Variants in ARG1 observed in about 807,000 individuals in gnomAD.
ARG1 encodes arginase-1.
A neutral mutation model predicts 33.0 loss-of-function variants in ARG1; 20 were observed. The ratio of observed to expected loss-of-function variants is 0.61; its 90% CI spans 0.43 to 0.88. The LOEUF (loss-of-function observed/expected upper bound fraction) is 0.88. Ranked by LOEUF, ARG1 falls within the 40% of genes least tolerant of loss-of-function variation. The pLI, the probability that ARG1 is intolerant of heterozygous loss-of-function variation, is 0.00. For missense variants in ARG1, 374 were observed against 384.7 expected (o/e 0.97, Z 0.23); for synonymous variants, 146 against 140.6 (o/e 1.04, Z -0.27).
At chr6:131,582,965 T>G (rs1774011346) in intron 5 of ARG1, 95 bp from the exon 6 acceptor site, 1 of 918,974 alleles carries the variant, frequency 1.1e-6, no homozygotes, top group East Asian at 2.7e-5. Context: ...CCTAAATGTT[T>G]TATATATTTT....
At chr6:131,578,294 G>A (rs563536870) in intron 2 of ARG1, among the ~76,000 whole-genome samples, 2 of 152,038 alleles carry the variant, frequency 1.3e-5, no homozygotes, top group South Asian at 4.2e-4. Context: ...TGTTGTATCA[G>A]GTGAAATTTC....
In ARG1 at chr6:131,581,279, G is replaced by A. The variant is rs2114539596; in HGVS notation, c.366G>A (p.Trp122Ter). The A allele has an allele frequency of 1.9e-6, 3 of 1,613,838 alleles. No homozygotes were observed. Among genetic ancestry groups the A allele is most frequent in the Non-Finnish European group, 2.5e-6 (3 of 1,179,830 alleles). ...ARVHPDLGVI[W>*]VDAHTDINTP... Reference sequence around the variant, plus strand: ...TCCACCCTGATCTTGGAGTCATCTGGGTGGATGCTCACACTGATATCAACA... The same window carrying A: ...TCCACCCTGATCTTGGAGTCATCTGAGTGGATGCTCACACTGATATCAACA... The change falls in exon 4 of 8, where the codon TGG becomes TGA. Residue 122 changes from tryptophan (W) to a stop codon, truncating the protein, a stop_gained. Transcript: ENST00000368087. LOFTEE classifies it high-confidence loss of function.
At chr6:131,573,449 G>A in intron 1 of ARG1, 110 bp downstream of exon 1, 2 of 990,348 alleles carry the variant, frequency 2.0e-6, no homozygotes, top group South Asian at 2.7e-5. Context: ...ATACAATCTG[G>A]CCAGGAAATG....
At chr6:131,583,660 G>C in intron 7 of ARG1, 82 bp from the exon 8 acceptor site, 1 of 1,541,244 alleles carries the variant, frequency 6.5e-7, no homozygotes, top group South Asian at 1.1e-5. Context: ...TTCTGTTAGT[G>C]GATAATCTTT....
Position 131,579,106 on chromosome 6 carries a change from TTTA to T in ARG1, c.131-4_131-2del, listed in dbSNP as rs774347014. On this transcript the variant is annotated splice_acceptor_variant and splice_polypyrimidine_tract_variant and intron_variant, in intron 2 of 7. Coordinates refer to ENST00000368087, the MANE Select transcript of ARG1 (RefSeq NM_000045.4). LOFTEE classifies it high-confidence loss of function. ...ATTTAGTAACTCAAAACTTTTTAAT[TTTA>T]GAGTGTGATGTGAAGGATTATGGGG... 6.2e-7 allele frequency: 1 copy of T among 1,613,956 alleles called. No homozygotes were observed. The highest frequency in any genetic ancestry group is 8.5e-7 in the Non-Finnish European group (1 of 1,179,972).
chr6:131,582,681 T>C lies in ARG1; in HGVS notation c.526T>C (p.Tyr176His). ...TPCISAKDIVYIGLRDVDPGE... is the reference protein window; with the variant it reads ...TPCISAKDIVHIGLRDVDPGE... The stretch of plus-strand genomic sequence containing the variant: ...CTGTATATCTGCCAAGGATATTGTG[T>C]ATATTGGCTTGAGAGACGTGGACCC... The change falls in exon 5 of 8, where the codon TAT becomes CAT. Residue 176 changes from tyrosine to histidine, a missense_variant. Coordinates refer to ENST00000368087, the MANE Select transcript of ARG1 (RefSeq NM_000045.4). 6.2e-7 allele frequency: 1 copy of C among 1,613,874 alleles called. No individual in the cohort carries two copies. The highest frequency in any genetic ancestry group is 8.5e-7 in the Non-Finnish European group (1 of 1,179,808).
Position 131,583,658 on chromosome 6 carries a change from G to A in ARG1, c.803-84G>A, listed in dbSNP as rs1022766704. ...CATCGGTTACTACCTTTTTCTGTTA[G>A]TGGATAATCTTTCAAGTCTGTCTGT... On this transcript the variant is annotated intron_variant, in intron 7 of 7. Transcript: ENST00000368087. 92 of 1,538,576 alleles carry A rather than the reference G, an allele frequency of 6.0e-5. 1 individual carries two copies. The highest frequency in any genetic ancestry group is 1.4e-5 in the Non-Finnish European group (16 of 1,120,978).
At position 131,583,504 on chromosome 6, in the gene ARG1, C is replaced by T; in HGVS notation, c.802+13C>T. ...ATCTACAAAACAGGTAGTTAACAATCTGAGGTAATAGAGAAGCAAGTGTAC... is the reference window on the plus strand; with the variant it reads ...ATCTACAAAACAGGTAGTTAACAATTTGAGGTAATAGAGAAGCAAGTGTAC... On this transcript the variant is annotated intron_variant, in intron 7 of 7. Transcript: ENST00000368087. The T allele has an allele frequency of 6.2e-7, 1 of 1,613,986 alleles. No homozygotes were observed. Among genetic ancestry groups the T allele is most frequent in the South Asian group, 1.1e-5 (1 of 91,082 alleles).
Position 131,579,116 on chromosome 6 carries a change from G to GA in ARG1, c.137dup (p.Asp46GlufsTer12), listed in dbSNP as rs1486740324. 6.2e-7 allele frequency: 1 copy of GA among 1,614,002 alleles called. No individual in the cohort carries two copies. Among genetic ancestry groups the GA allele is most frequent in the Non-Finnish European group, 8.5e-7 (1 of 1,180,004 alleles). On this transcript the variant is annotated frameshift_variant, in exon 3 of 8. Coordinates refer to ENST00000368087, the MANE Select transcript of ARG1 (RefSeq NM_000045.4). LOFTEE classifies it high-confidence loss of function. ...TCAAAACTTTTTAATTTTAGAGTGT[G>GA]ATGTGAAGGATTATGGGGACCTGCC...
chr6:131,582,050 TATA>T (rs1320582459), intron 4 of ARG1, among the ~76,000 whole-genome samples: 4 of 152,282 alleles, frequency 2.6e-5, no homozygotes, highest in South Asian at 4.1e-4. Context: ...TTGATACAAT[TATA>T]ATATTTGGTC....
chr6:131,575,564 A>G (rs74451798), intron 1 of ARG1, among the ~76,000 whole-genome samples: 4,913 of 152,272 alleles, frequency 0.032, 107 homozygotes, highest in Middle Eastern at 0.061. Flanking sequence ...ACCCAGGGCA[A>G]GTCTTCTGTT....
At position 131,579,263 on chromosome 6, in the gene ARG1, C is replaced by T. The variant is rs2114531019; in HGVS notation, c.283C>T (p.Leu95=). 3 of 1,614,024 alleles carry T rather than the reference C, an allele frequency of 1.9e-6. No individual in the cohort carries two copies. Among genetic ancestry groups the T allele is most frequent in the Non-Finnish European group, 2.5e-6 (3 of 1,179,980 alleles). Reference sequence around the variant, plus strand: ...AGTCAAGAAGAACGGAAGAATCAGCCTGGTGCTGGGCGGAGACCACAGGTC... The same window carrying T: ...AGTCAAGAAGAACGGAAGAATCAGCTTGGTGCTGGGCGGAGACCACAGGTC... The part of the protein sequence containing the change: ...AEVKKNGRIS[L]VLGGDHSLAI... The change falls in exon 3 of 8, where the codon CTG becomes TTG. Residue 95 remains leucine, a synonymous_variant. Transcript: ENST00000368087.
At chr6:131,579,857 TGA>T (rs142346886) in intron 3 of ARG1, among the ~76,000 whole-genome samples, 3,042 of 148,486 alleles carry the variant, frequency 0.02, 91 homozygotes, top group African/African-American at 0.068. Context: ...TGTGTGTGTG[TGA>T]GAGAGAGAGA....
At chr6:131,582,439 A>C (rs1009423906) in intron 4 of ARG1, among the ~76,000 whole-genome samples, 182 bp from the exon 5 acceptor site, 1 of 152,208 alleles carries the variant, frequency 6.6e-6, no homozygotes, top group Non-Finnish European at 1.5e-5. Flanking sequence ...TTCAAGGCAA[A>C]GTCAAAGCAA....
chr6:131,581,423 T>C, intron 4 of ARG1, 45 bp downstream of exon 4: 1 of 1,572,000 alleles, frequency 6.4e-7, no homozygotes, highest in Non-Finnish European at 8.7e-7. Flanking sequence ...TACTTTTTAG[T>C]AGACATTCAG....
chr6:131,582,020 A>G (rs898830356), intron 4 of ARG1, among the ~76,000 whole-genome samples: 5 of 152,180 alleles, frequency 3.3e-5, no homozygotes, highest in African/African-American at 4.8e-5. Context: ...ATGCCATAGT[A>G]TATCAATAAA....
intron 2 of ARG1, among the ~76,000 whole-genome samples, chr6:131,577,482 T>G (rs1290029204): frequency 1.3e-5 from 2 of 152,152 alleles, no homozygotes; most frequent in Non-Finnish European, 2.9e-5. Flanking sequence ...AGATTTGTGC[T>G]TGAATGTTTG....
intron 2 of ARG1, among the ~76,000 whole-genome samples, 153 bp downstream of exon 2, chr6:131,576,888 G>A (rs1017875313): frequency 6.6e-6 from 1 of 152,072 alleles, no homozygotes; most frequent in African/African-American, 2.4e-5. Flanking sequence ...AAAGCAGCAG[G>A]GCATGGGGAG....
At chr6:131,583,594 T>C in intron 7 of ARG1, 103 bp downstream of exon 7, 2 of 1,538,480 alleles carry the variant, frequency 1.3e-6, no homozygotes, top group South Asian at 1.1e-5. Flanking sequence ...ACTTTCAGAA[T>C]GTCCATCAGT....
Sources: gnomAD v4.1 joint callset for allele counts (sites outside exome capture counted in the v4.1 genomes callset) on GRCh38, gnomAD v4.1.1 for gene constraint, MANE v1.5 for transcripts, NCBI Gene and HGNC (gene_info 2026-07-23, HGNC 2026-07-21) for gene names.